Variants in HIBCH observed in about 807,000 individuals in gnomAD.
The protein encoded by HIBCH is 3-hydroxyisobutyryl-CoA hydrolase.
Under a neutral mutation model 58.2 loss-of-function variants are expected in HIBCH, and 50 were observed. The observed-to-expected ratio is 0.86, with a 90% CI of 0.68 to 1.09. The LOEUF (loss-of-function observed/expected upper bound fraction) is 1.09. HIBCH is among the 50% of genes least tolerant of loss of function. The pLI, the probability that HIBCH is intolerant of heterozygous loss-of-function variation, is 0.00. For synonymous variants in HIBCH, 151 were observed against 146.9 expected, an observed-to-expected ratio of 1.03 and a Z score of -0.20; for missense variants, 450 against 449.7, an observed-to-expected ratio of 1.00 and a Z score of -0.01.
chr2:190,225,643 A>G (rs1559019681), intron 11 of HIBCH, among the ~76,000 whole-genome samples: 1 of 152,168 alleles, frequency 6.6e-6, no homozygotes, highest in African/African-American at 2.4e-5. Context: ...CCACCAACCG[A>G]AAAAACTCCA....
intron 2 of HIBCH, 102 bp downstream of exon 2, chr2:190,310,652 G>C: frequency 1.1e-6 from 1 of 945,840 alleles, no homozygotes; most frequent in Non-Finnish European, 1.7e-6. Flanking sequence ...ATGTACCTAA[G>C]GTCAAGGAAA....
chr2:190,244,150 C>G (rs917678361), intron 11 of HIBCH, among the ~76,000 whole-genome samples: 1 of 151,922 alleles, frequency 6.6e-6, no homozygotes, highest in Non-Finnish European at 1.5e-5. Flanking sequence ...TATATATACA[C>G]ACACACACAC....
chr2:190,312,432 G>A (rs1688585285), intron 1 of HIBCH, among the ~76,000 whole-genome samples: 1 of 152,186 alleles, frequency 6.6e-6, no homozygotes, highest in South Asian at 2.1e-4. Context: ...CCTGATAAGG[G>A]CTGTGCACAT....
Position 190,205,211 on chromosome 2 carries a change from C to G in HIBCH, c.1067G>C (p.Ser356Thr). 6.3e-7 allele frequency: 1 copy of G among 1,594,184 alleles called. No homozygotes were observed. The highest frequency in any genetic ancestry group is 8.6e-7 in the Non-Finnish European group (1 of 1,162,250). The change falls in exon 14 of 14, where the codon AGT (serine) becomes ACT (threonine). Residue 356 changes from serine (S) to threonine (T), a missense_variant. Ser to Thr is a moderately conservative substitution (Grantham distance 58). Coordinates refer to ENST00000359678, the MANE Select transcript of HIBCH (RefSeq NM_014362.4). ...VRAVLIDKDQ[S>T]PKWKPADLKE... ...TAGATCAGCTGGTTTCCATTTTGGA[C>G]TCTGGTCTTTATCAATTAAAACTGT...
intron 1 of HIBCH, among the ~76,000 whole-genome samples, chr2:190,190,170 A>G (rs1689646384): frequency 6.6e-6 from 1 of 152,216 alleles, no homozygotes; most frequent in African/African-American, 2.4e-5. Context: ...ATACCAATTA[A>G]GATATAGAAT....
intron 9 of HIBCH, among the ~76,000 whole-genome samples, chr2:190,246,842 T>A (rs76094912): frequency 9.2e-5 from 14 of 152,256 alleles, no homozygotes; most frequent in Middle Eastern, 3.4e-3. Flanking sequence ...GGGACACGTA[T>A]CTTAGCTGCA....
chr2:190,273,457 A>C (rs1279820064), intron 6 of HIBCH, among the ~76,000 whole-genome samples: 3 of 152,200 alleles, frequency 2.0e-5, no homozygotes, highest in Non-Finnish European at 4.4e-5. Flanking sequence ...ATAAGACAGA[A>C]GGAAATCTAA....
downstream of HIBCH, chr2:190,200,035 T>C (rs1690174566): frequency 3.1e-6 from 5 of 1,614,126 alleles, no homozygotes; most frequent in Non-Finnish European, 4.2e-6. Flanking sequence ...TACTGTGATC[T>C]TGGAATATGC....
Position 190,204,209 on chromosome 2 carries a change from A to G in HIBCH, c.*908T>C, listed in dbSNP as rs1052214564. On this transcript the variant is annotated 3_prime_UTR_variant, in exon 14 of 14. Transcript: ENST00000359678. ...CAATTATTGAATATATCTTTTGAACAAAAGTCTTCTTGCTTTCAATTAATT... is the reference window on the plus strand; with the variant it reads ...CAATTATTGAATATATCTTTTGAACGAAAGTCTTCTTGCTTTCAATTAATT... 8.5e-5 allele frequency: 13 copies of G among 152,076 alleles called. No individual in the cohort carries two copies. The highest frequency in any genetic ancestry group is 3.1e-4 in the African/African-American group (13 of 41,448). The allele number at this position is 152,076 out of a possible 1,614,324, so 9.4% of individuals were successfully genotyped here.
chr2:190,285,708 C>T (rs1313417135), intron 6 of HIBCH, among the ~76,000 whole-genome samples: 1 of 152,136 alleles, frequency 6.6e-6, no homozygotes, highest in African/African-American at 2.4e-5. Flanking sequence ...CTACCTATGT[C>T]CTACCTATTG....
At chr2:190,251,588 G>T in intron 8 of HIBCH, 1 of 434,034 alleles carries the variant, frequency 2.3e-6, no homozygotes, top group Non-Finnish European at 4.8e-6. Flanking sequence ...GGGCAAAAGA[G>T]GCTAAGTTCC....
intron 1 of HIBCH, among the ~76,000 whole-genome samples, chr2:190,196,063 T>C (rs555751416): frequency 1.3e-5 from 2 of 151,850 alleles, no homozygotes; most frequent in South Asian, 4.2e-4. Flanking sequence ...TTTCAATTGT[T>C]ATTTTTAGTC....
chr2:190,211,477 A>C lies in HIBCH; in HGVS notation c.1011+1479T>G, dbSNP rs1035985855. Among the ~76,000 whole-genome samples, 10 of 152,182 alleles carry C rather than the reference A, an allele frequency of 6.6e-5. No homozygotes were observed. The highest frequency in any genetic ancestry group is 2.4e-4 in the African/African-American group (10 of 41,450). On this transcript the variant is annotated intron_variant, in intron 12 of 13. Coordinates refer to ENST00000359678, the MANE Select transcript of HIBCH (RefSeq NM_014362.4). This position sits in a 1 kb window ranked among gnomAD's most constrained non-coding sequence, Gnocchi z 5.0. ...AACCCTATCTCCACACAGCAGCAAC[A>C]ATTTCCTTCTTAAAGCAAATTGAAC...
At chr2:190,271,324 T>C (rs989087961) in intron 6 of HIBCH, among the ~76,000 whole-genome samples, 1 of 146,174 alleles carries the variant, frequency 6.8e-6, no homozygotes, top group African/African-American at 2.6e-5. Context: ...AGTCTTGCTC[T>C]GTCATCCAGG....
rs1394116667 is a variant in HIBCH, at chr2:190,304,045, T to TG, written c.78+6708dup. Among the ~76,000 whole-genome samples, 1 of 151,930 alleles carries TG rather than the reference T, an allele frequency of 6.6e-6. No individual in the cohort carries two copies. The highest frequency in any genetic ancestry group is 6.6e-5 in the Admixed American group (1 of 15,252). ...AAAATTGTCAAGGGCATGAAAAATA[T>TG]GGAAAGATAAGTTGAGAAACTATCA... On this transcript the variant is annotated intron_variant, in intron 2 of 13. Coordinates refer to ENST00000359678, the MANE Select transcript of HIBCH (RefSeq NM_014362.4). The surrounding 1 kb of genome is among the most constrained non-coding windows in gnomAD (Gnocchi z 4.1).
intron 9 of HIBCH, among the ~76,000 whole-genome samples, chr2:190,247,810 C>A (rs185948106): frequency 2.1e-4 from 32 of 152,210 alleles, no homozygotes; most frequent in Non-Finnish European, 3.7e-4. Flanking sequence ...TTATGACTCA[C>A]CGAAAGCTCA....
chr2:190,262,945 A>G (rs941495233), intron 6 of HIBCH, among the ~76,000 whole-genome samples: 33 of 152,244 alleles, frequency 2.2e-4, no homozygotes, highest in Admixed American at 9.8e-4. Context: ...GAAGGTTCAG[A>G]ATAGTCAAGC....
intron 1 of HIBCH, among the ~76,000 whole-genome samples, chr2:190,194,475 TATACACACACACACACAC>T (rs1417306877): frequency 1.1e-4 from 14 of 126,914 alleles, no homozygotes; most frequent in African/African-American, 4.0e-4. Context: ...GTATCCTGTG[TATACACACACACACACAC>T]ACACACACAC....
At chr2:190,295,178 A>G (rs1391735837) in intron 3 of HIBCH, among the ~76,000 whole-genome samples, 5 of 152,236 alleles carry the variant, frequency 3.3e-5, no homozygotes. Flanking sequence ...TGAAAATGTG[A>G]AAGTCCAGAA....
Sources: allele counts gnomAD v4.1 joint callset (sites outside exome capture counted in the v4.1 genomes callset), GRCh38; gene constraint gnomAD v4.1.1; non-coding constraint Gnocchi (gnomAD v3.1); transcripts MANE v1.5; gene names NCBI Gene and HGNC (gene_info 2026-07-23, HGNC 2026-07-21).